The following MAST3 variants were observed in gnomAD, a reference collection of about 807,000 sequenced individuals.
MAST3 encodes microtubule-associated serine/threonine-protein kinase 3.
In MAST3, 43 loss-of-function variants were observed where a neutral mutation model predicts 127.0. That is an observed-to-expected ratio of 0.34 (90% CI 0.27 to 0.44). The LOEUF (loss-of-function observed/expected upper bound fraction) is 0.44, where lower values mean the gene tolerates loss of function less well. Among genes scored for constraint, MAST3 ranks in the 20% least tolerant of loss-of-function variants. MAST3 has a pLI of 1.00. For missense variants in MAST3, 1,390 were observed against 1,919.1 expected (o/e 0.72, Z 5.15); for synonymous variants, 785 against 809.2 (o/e 0.97, Z 0.51).
In MAST3 at chr19:18,130,713, T is replaced by C; in HGVS notation, c.1432+11T>C. On this transcript the variant is annotated intron_variant, in intron 14 of 27. Coordinates refer to ENST00000687212, the MANE Select transcript of MAST3 (RefSeq NM_001393504.1). ...TGGAATACGTGGAAGGTACGCTCAC[T>C]GGGGCTTGCATGCCTCCAGCGATGG... The C allele has an allele frequency of 6.2e-7, 1 of 1,611,500 alleles. No individual in the cohort carries two copies. Among genetic ancestry groups the C allele is most frequent in the Non-Finnish European group, 8.5e-7 (1 of 1,178,678 alleles).
At chr19:18,123,825 G>A (rs560632938) in intron 8 of MAST3, 114 bp from the exon 9 acceptor site, 16 of 1,027,838 alleles carry the variant, frequency 1.6e-5, no homozygotes, top group Admixed American at 1.4e-4. Context: ...CCTCCCACCC[G>A]ATCGCCCCAT....
At chr19:18,099,736 A>C (rs2037401691) in intron 1 of MAST3, among the ~76,000 whole-genome samples, 1 of 152,212 alleles carries the variant, frequency 6.6e-6, no homozygotes, top group Non-Finnish European at 1.5e-5. Flanking sequence ...TTCCGGGCAG[A>C]GGCCACAGCA....
rs767805098 is a variant in MAST3 at position 18,143,969 on chromosome 19, C to T, written c.2546C>T (p.Ala849Val). 1.9e-5 allele frequency: 30 copies of T among 1,592,608 alleles called. No homozygotes were observed. The East Asian group carries it at 3.6e-4, about 19-fold the overall frequency. ...CTAGGGGAGCCTGACCCCCCACCAG[C>T]GGCCACCCCAGTGATGCCCAAGCCC... ...FILGEPDPPP[A>V]ATPVMPKPSS... The change falls in exon 22 of 28, where the codon GCG (alanine) becomes GTG (valine). Residue 849 changes from alanine to valine, a missense_variant. Ala to Val is a moderately conservative substitution (Grantham distance 64, BLOSUM62 0). Around this residue, in one of 5 missense-constraint regions of MAST3, gnomAD observed 816 missense variants for 934.1 expected, o/e 0.87. Coordinates refer to ENST00000687212, the MANE Select transcript of MAST3 (RefSeq NM_001393504.1).
At chr19:18,118,968 T>C (rs1031923050) in intron 3 of MAST3, among the ~76,000 whole-genome samples, 1 of 151,964 alleles carries the variant, frequency 6.6e-6, no homozygotes, top group African/African-American at 2.4e-5. Flanking sequence ...GTGGGGAGCA[T>C]TGGAGGGGGA....
At chr19:18,102,606 C>T (rs371810416) in intron 1 of MAST3, among the ~76,000 whole-genome samples, 4 of 152,006 alleles carry the variant, frequency 2.6e-5, no homozygotes, top group South Asian at 4.2e-4. Flanking sequence ...CTCGGCCTAC[C>T]GAGTAGCTGG....
At position 18,106,481 on chromosome 19, in the gene MAST3, C is replaced by T. The variant is rs2038075250; in HGVS notation, c.40-1106C>T. Among the ~76,000 whole-genome samples the T allele has an allele frequency of 2.0e-5, 3 of 151,878 alleles. No individual in the cohort carries two copies. The South Asian group carries it at 6.2e-4, about 32-fold the overall frequency. ...CTTGATCTCTTGACCTTGTGATCTGCCCGCCTTGGCCTCCCAAAGTACTGG... is the reference window on the plus strand; with the variant it reads ...CTTGATCTCTTGACCTTGTGATCTGTCCGCCTTGGCCTCCCAAAGTACTGG... On this transcript the variant is annotated intron_variant, in intron 1 of 27. Coordinates refer to ENST00000687212, the MANE Select transcript of MAST3 (RefSeq NM_001393504.1).
At chr19:18,139,229 T>A in intron 20 of MAST3, 105 bp downstream of exon 20, 1 of 867,102 alleles carries the variant, frequency 1.2e-6, no homozygotes. Context: ...TCTGTAGAGA[T>A]GAGGTCTTGC....
chr19:18,146,515 G>A (rs1021831121), intron 25 of MAST3, among the ~76,000 whole-genome samples: 8 of 152,216 alleles, frequency 5.3e-5, no homozygotes, highest in African/African-American at 1.7e-4. Context: ...CTGGACACTG[G>A]GTAGGTGTCT....
intron 14 of MAST3, among the ~76,000 whole-genome samples, chr19:18,131,685 G>A (rs2041305438): frequency 1.3e-5 from 2 of 151,792 alleles, no homozygotes; most frequent in Admixed American, 6.6e-5. Context: ...GCGACAGAGC[G>A]AGACTCTCTC....
At chr19:18,136,426 A>AT (rs1181792854) in intron 18 of MAST3, among the ~76,000 whole-genome samples, 1 of 151,836 alleles carries the variant, frequency 6.6e-6, no homozygotes, top group East Asian at 1.9e-4. Flanking sequence ...GTGCTTTTTT[A>AT]TTTTTTTGAG....
chr19:18,107,795 A>G (rs1259254274), intron 2 of MAST3, among the ~76,000 whole-genome samples, 177 bp downstream of exon 2: 1 of 152,202 alleles, frequency 6.6e-6, no homozygotes, highest in Non-Finnish European at 1.5e-5. Flanking sequence ...CACCACAAAC[A>G]TGGGAGGCCA....
intron 1 of MAST3, 124 bp downstream of exon 1, chr19:18,097,955 G>A: frequency 2.7e-6 from 2 of 727,952 alleles, no homozygotes; most frequent in Non-Finnish European, 3.7e-6. Context: ...GGTGGGGAAC[G>A]CTCAGATCGC....
At position 18,144,558 on chromosome 19, in the gene MAST3, C is replaced by A; in HGVS notation, c.2677C>A (p.Arg893Ser). 1 of 1,609,908 alleles carries A rather than the reference C, an allele frequency of 6.2e-7. No individual in the cohort carries two copies. Reference sequence around the variant, plus strand: ...AAGGCCTCTGGATGCCGGCCGGGGCCGCCGCCTTGGGGGCCCAAGAGACCC... The same window carrying A: ...AAGGCCTCTGGATGCCGGCCGGGGCAGCCGCCTTGGGGGCCCAAGAGACCC... ...TPRPLDAGRG[R>S]RLGGPRDPAP... Residue 893 changes from arginine (R) to serine (S), a missense_variant, in exon 23 of 28, where the codon CGC (arginine) becomes AGC (serine). Physicochemically the swap from Arg to Ser is moderately radical, Grantham distance 110 (BLOSUM62 -1). Transcript: ENST00000687212. This position sits in a 1 kb window ranked among gnomAD's most constrained non-coding sequence, Gnocchi z 4.0.
At chr19:18,124,616 G>A (rs1249863081) in intron 10 of MAST3, 26 bp from the exon 11 acceptor site, 4 of 1,542,858 alleles carry the variant, frequency 2.6e-6, no homozygotes, top group East Asian at 2.4e-5. Context: ...CCAAGCCCTG[G>A]GTGACCAGCC....
chr19:18,131,258 A>G (rs2147383781), intron 14 of MAST3, among the ~76,000 whole-genome samples: 1 of 152,240 alleles, frequency 6.6e-6, no homozygotes, highest in East Asian at 1.9e-4. Context: ...TCACGCCTAT[A>G]GTCCCAGCTA....
chr19:18,122,887 C>A, intron 6 of MAST3, 136 bp downstream of exon 6: 1 of 996,196 alleles, frequency 1.0e-6, no homozygotes, highest in South Asian at 1.5e-5. Context: ...CATGCACGCC[C>A]CATTCTGGGA....
At chr19:18,107,961 C>T (rs914604163) in intron 2 of MAST3, among the ~76,000 whole-genome samples, 3 of 152,110 alleles carry the variant, frequency 2.0e-5, no homozygotes, top group African/African-American at 4.8e-5. Context: ...CCTCTCATGA[C>T]GGGGAGCTCA....
At chr19:18,124,845 C>T (rs980970298) in intron 11 of MAST3, 71 bp downstream of exon 11, 8 of 1,499,290 alleles carry the variant, frequency 5.3e-6, no homozygotes, top group African/African-American at 4.2e-5. Flanking sequence ...GTGGCTCACA[C>T]CTTTAATACC....
intron 11 of MAST3, among the ~76,000 whole-genome samples, chr19:18,125,469 C>T (rs554100111): frequency 1.6e-4 from 25 of 152,116 alleles, no homozygotes; most frequent in Non-Finnish European, 2.6e-4. Context: ...CGGCCGGGTG[C>T]GGTGGCTCAC....
Sources: allele counts gnomAD v4.1 joint callset (sites outside exome capture counted in the v4.1 genomes callset), GRCh38; gene constraint gnomAD v4.1.1; regional missense constraint gnomAD v4.1.1; non-coding constraint Gnocchi (gnomAD v3.1); transcripts MANE v1.5; gene names NCBI Gene and HGNC (gene_info 2026-07-23, HGNC 2026-07-21).